MICAL1: variants seen among roughly 807,000 people sequenced by gnomAD.
MICAL1 encodes the protein [F-actin]-monooxygenase MICAL1.
MICAL1 carries 95 observed loss-of-function variants against 131.8 expected under a neutral mutation model. The observed-to-expected ratio is 0.72, with a 90% CI of 0.61 to 0.86. The LOEUF (loss-of-function observed/expected upper bound fraction) is 0.86, where lower values mean the gene tolerates loss of function less well. MICAL1 is among the 40% of genes least tolerant of loss of function. The pLI, the probability that MICAL1 is intolerant of heterozygous loss-of-function variation, is 0.00. For synonymous variants in MICAL1, 546 were observed against 554.2 expected (o/e 0.99, Z 0.21); for missense variants, 1,292 against 1,380.6 (o/e 0.94, Z 1.02).
At chr6:109,444,573 A>C (rs906319331) in intron 24 of MICAL1, 152 bp downstream of exon 24, 13 of 1,027,866 alleles carry the variant, frequency 1.3e-5, no homozygotes, top group Admixed American at 8.3e-5. Context: ...TGAAGTGAGA[A>C]GGGGCTTTGG....
intron 4 of MICAL1, among the ~76,000 whole-genome samples, chr6:109,452,854 A>G: frequency 6.6e-6 from 1 of 152,200 alleles, no homozygotes; most frequent in Non-Finnish European, 1.5e-5. Flanking sequence ...CCAAGGCCAC[A>G]CTATTAGAAA....
In MICAL1 at chr6:109,444,211, C is replaced by T; in HGVS notation, c.3184G>A (p.Gly1062Arg). 1 of 1,613,362 alleles carries T rather than the reference C, an allele frequency of 6.2e-7. No homozygotes were observed. The highest frequency in any genetic ancestry group is 8.5e-7 in the Non-Finnish European group (1 of 1,180,000). ...CTCGTCTAGCCCTGGGCCCCTGTCC[C>T]CAAGGCCAGCTCGCTGAGCCTGCGC... ...EERRLSELALGTGAQG is the reference protein window; with the variant it reads ...EERRLSELALRTGAQG The change falls in exon 25 of 25, where the codon GGG becomes AGG. Residue 1062 changes from glycine (G) to arginine (R), a missense_variant. By Grantham distance (125) the Gly-to-Arg change is moderately radical. Coordinates refer to ENST00000358807, the MANE Select transcript of MICAL1 (RefSeq NM_022765.4).
At position 109,448,851 on chromosome 6, in the gene MICAL1, T is replaced by C. The variant is rs761939412; in HGVS notation, c.1545A>G (p.Leu515=). The C allele has an allele frequency of 1.9e-6, 3 of 1,613,756 alleles. No homozygotes were observed. The highest frequency in any genetic ancestry group is 2.2e-5 in the East Asian group (1 of 44,874). ...TGSAGTQEEL[L]RWCQEQTAGY... ...CAGCTGTCTGCTCCTGGCACCAGCG[T>C]AGCAGCTCCTCCTGGGTGCCTGCCG... Residue 515 remains leucine, a synonymous_variant, in exon 12 of 25, where the codon CTA becomes CTG. Transcript: ENST00000358807.
rs1335604267 is a variant in MICAL1 at position 109,449,779 on chromosome 6, TCTCA to T, written c.1308_1311del (p.Glu437AlafsTer32). ...GTCTGTGACAGAAGCTGGTACAGGCTCTCACTGAGGGGGTGAGGGTAAGGGGCAG... is the reference window on the plus strand; with the variant it reads ...GTCTGTGACAGAAGCTGGTACAGGCTCTGAGGGGGTGAGGGTAAGGGGCAG... On this transcript the variant is annotated frameshift_variant and splice_region_variant, in exon 10 of 25. Coordinates refer to ENST00000358807, the MANE Select transcript of MICAL1 (RefSeq NM_022765.4). LOFTEE classifies it high-confidence loss of function. 5 of 1,608,568 alleles carry T rather than the reference TCTCA, an allele frequency of 3.1e-6. No homozygotes were observed. Among genetic ancestry groups the T allele is most frequent in the Admixed American group, 3.4e-5 (2 of 59,432 alleles).
At chr6:109,449,211 C>A in intron 11 of MICAL1, 189 bp downstream of exon 11, 1 of 734,762 alleles carries the variant, frequency 1.4e-6, no homozygotes, top group African/African-American at 1.7e-5. Flanking sequence ...TTCAGACTGG[C>A]AGCCAACTGC....
intron 1 of MICAL1, among the ~76,000 whole-genome samples, chr6:109,461,326 A>G (rs562173616): frequency 1.3e-5 from 2 of 152,308 alleles, no homozygotes; most frequent in South Asian, 2.1e-4. Flanking sequence ...TCCATGGTGT[A>G]TATGTGCCAC....
At chr6:109,457,839 C>A (rs1158513870), upstream of MICAL1, among the ~76,000 whole-genome samples, 1 of 152,204 alleles carries the variant, frequency 6.6e-6, no homozygotes, top group Non-Finnish European at 1.5e-5. Flanking sequence ...CTTGAAGTTT[C>A]AACTTATGCT....
chr6:109,454,221 G>T lies in MICAL1; in HGVS notation c.-25C>A, dbSNP rs757208131. 6.3e-7 allele frequency: 1 copy of T among 1,576,866 alleles called. No homozygotes were observed. The highest frequency in any genetic ancestry group is 1.9e-5 in the Admixed American group (1 of 54,026). ...TGGAGGCCTCCTGGGGAGGGCAGCA[G>T]CTGGGCAGAGATGAGTGGCTGGAGA... On this transcript the variant is annotated 5_prime_UTR_variant, in exon 2 of 25. It adds an upstream start codon to the 5' untranslated region. Transcript: ENST00000358807.
chr6:109,444,923 A>C lies in MICAL1; in HGVS notation c.2954T>G (p.Val985Gly). Residue 985 changes from valine (V) to glycine (G), a missense_variant, in exon 23 of 25, where the codon GTG becomes GGG. Physicochemically the swap from Val to Gly is moderately radical, Grantham distance 109. Transcript: ENST00000358807. ...GATCATGAGCTCGGCCTCCTCAGCC[A>C]CCAGGCTGTTTTTCTTGTCAACGAG... ...LQLVDKKNSL[V>G]AEEAELMITV... The C allele has an allele frequency of 6.2e-7, 1 of 1,614,150 alleles. No individual in the cohort carries two copies.
rs1775492784 is a variant in MICAL1 at position 109,450,463 on chromosome 6, T to C, written c.1028A>G (p.His343Arg). The stretch of plus-strand genomic sequence containing the variant: ...AAACTCTAGTTTCCCGAGCTTGCCA[T>C]GGGTGGCAAAGTCAGCAGCTGCCCG... The part of the protein sequence containing the change: ...FTRAAADFAT[H>R]GKLGKLEFAQ... Residue 343 changes from histidine to arginine, a missense_variant, in exon 8 of 25, where the codon CAT (histidine) becomes CGT (arginine). By Grantham distance (29) the His-to-Arg change is conservative. Transcript: ENST00000358807. 2 of 1,613,356 alleles carry C rather than the reference T, an allele frequency of 1.2e-6. No homozygotes were observed. Among genetic ancestry groups the C allele is most frequent in the African/African-American group, 2.7e-5 (2 of 74,934 alleles).
At chr6:109,446,443 G>C in intron 18 of MICAL1, 31 bp from the exon 19 acceptor site, 1 of 1,610,822 alleles carries the variant, frequency 6.2e-7, no homozygotes, top group East Asian at 2.2e-5. Flanking sequence ...AGTGAGGTCG[G>C]GGGGTGAGGC....
chr6:109,444,676 G>T, intron 24 of MICAL1, 49 bp downstream of exon 24: 1 of 1,593,348 alleles, frequency 6.3e-7, no homozygotes, highest in Non-Finnish European at 8.6e-7. Flanking sequence ...CATGAGGCTT[G>T]CATGACACAT....
At chr6:109,451,542 T>A in intron 7 of MICAL1, 58 bp downstream of exon 7, 1 of 1,603,366 alleles carries the variant, frequency 6.2e-7, no homozygotes, top group Non-Finnish European at 8.5e-7. Flanking sequence ...TGTCCAAGCC[T>A]AGCCTCTGCC....
chr6:109,445,425 G>A lies in MICAL1; in HGVS notation c.2778C>T (p.Cys926=), dbSNP rs1438681937. ...AACCCCCGGGCTTCACCTGGGCCTT[G>A]CAGAACCTCTTCATCTCCTCCTCCT... ...RAKEEEMKRF[C]KAQTIQRRLN... Residue 926 remains cysteine, a synonymous_variant, in exon 21 of 25, where the codon TGC becomes TGT. Coordinates refer to ENST00000358807, the MANE Select transcript of MICAL1 (RefSeq NM_022765.4). 12 of 1,613,932 alleles carry A rather than the reference G, an allele frequency of 7.4e-6. No individual in the cohort carries two copies. The highest frequency in any genetic ancestry group is 1.0e-5 in the Non-Finnish European group (12 of 1,180,044).
Position 109,446,028 on chromosome 6 carries a change from C to G in MICAL1, c.2581+108G>C. On this transcript the variant is annotated intron_variant, in intron 19 of 24. Transcript: ENST00000358807. ...TGGAGCAGAGGAGAGGCTGCCACGG[C>G]CTGGGATCCCCACAACTTCCCTCTG... 3 of 1,472,266 alleles carry G rather than the reference C, an allele frequency of 2.0e-6. 1 individual carries two copies. The South Asian group carries it at 4.3e-5, about 21-fold the overall frequency. The allele number at this position is 1,472,266 out of a possible 1,614,324, so 91.2% of individuals were successfully genotyped here. A position where few individuals can be genotyped will look rare whatever the true frequency, so the allele number is the denominator to read the frequency against.
Position 109,453,388 on chromosome 6 carries a change from G to T in MICAL1, c.467-21C>A, listed in dbSNP as rs370775736. The T allele has an allele frequency of 5.6e-5, 90 of 1,610,072 alleles. No homozygotes were observed. The African/African-American group carries it at 9.6e-4, about 17-fold the overall frequency. On this transcript the variant is annotated intron_variant, in intron 3 of 24. Coordinates refer to ENST00000358807, the MANE Select transcript of MICAL1 (RefSeq NM_022765.4). ...GATGCCTGGAAGGGAGAGGACATTA[G>T]GAACAGGGACCCTAGGGCAGCACAA...
chr6:109,464,194 C>T (rs1315989046), intron 1 of MICAL1: 1 of 152,136 alleles, frequency 6.6e-6, no homozygotes, highest in African/African-American at 2.4e-5. Context: ...CCTGATTTAA[C>T]ATTAGTTTGG....
At chr6:109,464,461 T>C (rs1424837792) in intron 1 of MICAL1, 1 of 152,218 alleles carries the variant, frequency 6.6e-6, no homozygotes, top group African/African-American at 2.4e-5. Flanking sequence ...AATTTAGATA[T>C]ACTAGTGCCC....
Position 109,444,217 on chromosome 6 carries a change from C to T in MICAL1, c.3178G>A (p.Ala1060Thr). ...FQEERRLSEL[A>T]LGTGAQG ...TAGCCCTGGGCCCCTGTCCCCAAGGCCAGCTCGCTGAGCCTGCGCTCCTCC... is the reference window on the plus strand; with the variant it reads ...TAGCCCTGGGCCCCTGTCCCCAAGGTCAGCTCGCTGAGCCTGCGCTCCTCC... The change falls in exon 25 of 25, where the codon GCC becomes ACC. Residue 1060 changes from alanine (A) to threonine (T), a missense_variant. Ala to Thr is a moderately conservative substitution (Grantham distance 58). Coordinates refer to ENST00000358807, the MANE Select transcript of MICAL1 (RefSeq NM_022765.4). The T allele has an allele frequency of 6.2e-7, 1 of 1,613,442 alleles. No individual in the cohort carries two copies. Among genetic ancestry groups the T allele is most frequent in the South Asian group, 1.1e-5 (1 of 91,070 alleles).
Sources: gnomAD v4.1 joint callset for allele counts (sites outside exome capture counted in the v4.1 genomes callset) on GRCh38, gnomAD v4.1.1 for gene constraint, MANE v1.5 for transcripts, NCBI Gene and HGNC (gene_info 2026-07-23, HGNC 2026-07-21) for gene names.